Variants in ANKRD26 observed in about 807,000 individuals in gnomAD.
ANKRD26 encodes the protein ankyrin repeat domain 26, also known as ankyrin repeat domain-containing protein 26.
In ANKRD26, 141 loss-of-function variants were observed where a neutral mutation model predicts 208.7. The observed-to-expected ratio is 0.68, with a 90% CI of 0.59 to 0.78. The LOEUF (loss-of-function observed/expected upper bound fraction) is 0.78, where lower values mean the gene tolerates loss of function less well. Ranked by LOEUF, ANKRD26 falls within the 30% of genes least tolerant of loss-of-function variation. ANKRD26 has a pLI of 0.00. For missense variants in ANKRD26, 1,889 were observed against 1,938.7 expected (o/e 0.97, Z 0.48); for synonymous variants, 636 against 660.4 (o/e 0.96, Z 0.57).
At chr10:26,964,865 T>C in the ANKRD26 span, among the ~76,000 whole-genome samples, 2 of 152,240 alleles carry the variant, frequency 1.3e-5, no homozygotes, top group Non-Finnish European at 2.9e-5. Flanking sequence ...ATCTCTAATA[T>C]TATTAATATC....
chr10:26,961,728 C>A, the ANKRD26 span, among the ~76,000 whole-genome samples: 1 of 152,060 alleles, frequency 6.6e-6, no homozygotes, highest in African/African-American at 2.4e-5. Context: ...ACATACCTAT[C>A]TCAGAGGGTC....
intron 9 of ANKRD26, among the ~76,000 whole-genome samples, chr10:27,068,541 A>G (rs112505971): frequency 0.011 from 1,713 of 152,246 alleles, 36 homozygotes; most frequent in African/African-American, 0.039. Flanking sequence ...CAACACGACA[A>G]ATGAGGGTAC....
At chr10:27,051,481 C>G in intron 16 of ANKRD26, 1 of 1,061,944 alleles carries the variant, frequency 9.4e-7, no homozygotes, top group Non-Finnish European at 1.1e-6. Context: ...TTATCAAACT[C>G]TTCTTTCATT....
chr10:26,972,225 A>T (rs925301923), downstream of ANKRD26, among the ~76,000 whole-genome samples: 4 of 145,862 alleles, frequency 2.7e-5, no homozygotes, highest in African/African-American at 7.7e-5. Flanking sequence ...ACAGAGCGAG[A>T]CTCCGTCTCA....
At chr10:26,949,367 TACAA>T in the ANKRD26 span, among the ~76,000 whole-genome samples, 1 of 152,146 alleles carries the variant, frequency 6.6e-6, no homozygotes, top group Non-Finnish European at 1.5e-5. Context: ...TGACTTAAAA[TACAA>T]ACAGTCCATG....
chr10:26,982,374 A>G (rs74128510), intron 4 of ANKRD26, among the ~76,000 whole-genome samples: 3,265 of 152,180 alleles, frequency 0.021, 176 homozygotes, highest in East Asian at 0.17. Context: ...TTTTTGCTTG[A>G]TGAGTTTGGG....
chr10:27,061,084 C>G (rs2055036398), intron 13 of ANKRD26, 60 bp downstream of exon 13: 2 of 1,220,888 alleles, frequency 1.6e-6, no homozygotes, highest in African/African-American at 3.0e-5. Context: ...CTGAATTGAT[C>G]AGCTTGGATA....
intron 6 of ANKRD26, 78 bp downstream of exon 6, chr10:27,082,725 T>C: frequency 1.3e-6 from 2 of 1,505,122 alleles, no homozygotes; most frequent in Non-Finnish European, 1.8e-6. Flanking sequence ...ATATGGTGTC[T>C]ACCCAGAGTA....
chr10:27,082,227 G>A (rs983135878), intron 6 of ANKRD26, among the ~76,000 whole-genome samples: 1 of 151,966 alleles, frequency 6.6e-6, no homozygotes, highest in East Asian at 1.9e-4. Context: ...AACACAATAT[G>A]GTCTATAGGT....
chr10:27,054,900 T>C (rs1307726418), intron 15 of ANKRD26, among the ~76,000 whole-genome samples: 1 of 152,116 alleles, frequency 6.6e-6, no homozygotes, highest in Non-Finnish European at 1.5e-5. Context: ...GTTTGAACAT[T>C]TATGCTTTCA....
downstream of ANKRD26, among the ~76,000 whole-genome samples, chr10:26,972,010 C>A (rs561564196): frequency 4.6e-5 from 7 of 152,044 alleles, no homozygotes; most frequent in African/African-American, 1.7e-4. Context: ...CCAAGGTGGG[C>A]GGATCACAAA....
At chr10:26,992,484 ACAC>A in intron 5 of ANKRD26, among the ~76,000 whole-genome samples, 1 of 149,662 alleles carries the variant, frequency 6.7e-6, no homozygotes, top group African/African-American at 2.5e-5. Context: ...ACACACACAC[ACAC>A]ACACACACAC....
rs780438547 is a variant in ANKRD26, at chr10:27,013,087, AC to A, written c.4747del (p.Val1583SerfsTer37). The A allele has an allele frequency of 3.7e-6, 6 of 1,613,834 alleles. No homozygotes were observed. Among genetic ancestry groups the A allele is most frequent in the South Asian group, 1.1e-5 (1 of 91,074 alleles). On this transcript the variant is annotated frameshift_variant, in exon 32 of 34. Transcript: ENST00000376087. LOFTEE classifies it high-confidence loss of function. ...TTTTTCCACAAGAAGTTTGGTGTTG[AC>A]CTCTGCTAGCCTCTCATTAGTTCTG... Reference protein sequence around the residue: ...LTKTNERLAEVNTKLLVEKQQ... With the variant: ...LTKTNERLAEXNTKLLVEKQQ...
chr10:26,999,177 G>A (rs1338993488), downstream of ANKRD26, among the ~76,000 whole-genome samples: 5 of 152,316 alleles, frequency 3.3e-5, no homozygotes, highest in East Asian at 7.7e-4. Context: ...GTTCACAGGT[G>A]CACTAATATG....
At chr10:27,060,089 A>G (rs1305695792) in intron 15 of ANKRD26, among the ~76,000 whole-genome samples, 1 of 148,044 alleles carries the variant, frequency 6.8e-6, no homozygotes, top group East Asian at 2.0e-4. Flanking sequence ...AATCCCAGCT[A>G]TTTTTCAGGA....
chr10:26,949,761 C>A, the ANKRD26 span, among the ~76,000 whole-genome samples: 1 of 152,152 alleles, frequency 6.6e-6, no homozygotes. Flanking sequence ...CCTCGACCTC[C>A]CAAAGTGCTG....
chr10:27,090,350 G>A (rs1193373045), intron 4 of ANKRD26, among the ~76,000 whole-genome samples: 2 of 152,088 alleles, frequency 1.3e-5, no homozygotes, highest in African/African-American at 4.8e-5. Flanking sequence ...AGCCGACTGT[G>A]CCACTGCACT....
chr10:27,080,058 GA>G, intron 6 of ANKRD26: 1 of 405,456 alleles, frequency 2.5e-6, no homozygotes, highest in Non-Finnish European at 4.9e-6. Context: ...TTGGGAGGTG[GA>G]GGCAGAAGAA....
intron 5 of ANKRD26, among the ~76,000 whole-genome samples, chr10:26,993,592 C>T (rs2052528216): frequency 6.6e-6 from 1 of 152,172 alleles, no homozygotes; most frequent in Admixed American, 6.5e-5. Context: ...AGAGAGGGGA[C>T]TAAGGTGAGG....
Sources: allele counts gnomAD v4.1 joint callset (sites outside exome capture counted in the v4.1 genomes callset), GRCh38; gene constraint gnomAD v4.1.1; transcripts MANE v1.5; gene names NCBI Gene and HGNC (gene_info 2026-07-23, HGNC 2026-07-21).